Variants in CEP72 observed in about 807,000 individuals in gnomAD.
The protein encoded by CEP72 is centrosomal protein of 72 kDa.
In CEP72, 78 loss-of-function variants were observed where a neutral mutation model predicts 65.7. The ratio of observed to expected loss-of-function variants is 1.19; its 90% CI spans 0.99 to 1.43. The LOEUF is 1.43. Ranked by LOEUF, CEP72 falls within the 40% of genes most tolerant of loss-of-function variation. The probability of loss-of-function intolerance (pLI) is 0.00; values close to 1 mark genes in which losing one functional copy is unlikely to be tolerated. For synonymous variants in CEP72, 358 were observed against 351.7 expected (o/e 1.02, Z -0.20); for missense variants, 914 against 832.9 (o/e 1.10, Z -1.20).
chr5:649,421 C>G (rs1370679090), intron 11 of CEP72, among the ~76,000 whole-genome samples: 2 of 84,294 alleles, frequency 2.4e-5, no homozygotes. Flanking sequence ...GACTGTGAGG[C>G]GTGGACTGTG....
chr5:622,756 C>T (rs1275724749), intron 3 of CEP72, among the ~76,000 whole-genome samples: 1 of 149,944 alleles, frequency 6.7e-6, no homozygotes, highest in Non-Finnish European at 1.5e-5. Context: ...AACAATGGAC[C>T]CCCCCAAGAC....
chr5:644,222 C>G (rs533623132), intron 9 of CEP72, 77 bp from the exon 10 acceptor site: 74 of 1,513,520 alleles, frequency 4.9e-5, no homozygotes, highest in Non-Finnish European at 6.1e-5. Flanking sequence ...TGGGGATTCT[C>G]AGGTTTCAGT....
chr5:675,667 CCCCAGCCCTT>C, the CEP72 span, among the ~76,000 whole-genome samples: 3 of 151,926 alleles, frequency 2.0e-5, no homozygotes, highest in Non-Finnish European at 4.4e-5. Flanking sequence ...GAGGGCTGAG[CCCCAGCCCTT>C]GTTGGGCCCC....
In CEP72 at chr5:628,714, GCCCCCTTCTTT is replaced by G. The variant is rs1238975244; in HGVS notation, c.512+4136_512+4146del. On this transcript the variant is annotated intron_variant, in intron 4 of 11. Coordinates refer to ENST00000264935, the MANE Select transcript of CEP72 (RefSeq NM_018140.4). ...CCCCGGGGAGTGTTCCCAGGACCCAGCCCCCTTCTTTGTGCAGCTTCTGGAGAACTCAGGTT... is the reference window on the plus strand; with the variant it reads ...CCCCGGGGAGTGTTCCCAGGACCCAGGTGCAGCTTCTGGAGAACTCAGGTT... Among the ~76,000 whole-genome samples, 50 of 135,612 alleles carry G rather than the reference GCCCCCTTCTTT, an allele frequency of 3.7e-4. 2 individuals carry two copies. Among genetic ancestry groups the G allele is most frequent in the African/African-American group, 1.3e-3 (46 of 36,554 alleles). The allele number at this position is 135,612 out of a possible 152,430, so 89.0% of individuals were successfully genotyped here. A position where few individuals can be genotyped will look rare whatever the true frequency, so the allele number is the denominator to read the frequency against.
At chr5:649,687 C>G (rs1316518484) in intron 11 of CEP72, among the ~76,000 whole-genome samples, 5 of 60,288 alleles carry the variant, frequency 8.3e-5, no homozygotes, top group Non-Finnish European at 5.9e-5. Flanking sequence ...GACTGTGAGG[C>G]GTGGACTGTG....
chr5:668,908 A>G (rs1179605319), downstream of CEP72, among the ~76,000 whole-genome samples: 1 of 152,224 alleles, frequency 6.6e-6, no homozygotes, highest in Non-Finnish European at 1.5e-5. Flanking sequence ...GCTTGGAGCC[A>G]GGCACGGAGG....
In CEP72 at chr5:652,993, T is replaced by C; in HGVS notation, c.1784T>C (p.Leu595Pro). The change falls in exon 12 of 12, where the codon CTG (leucine) becomes CCG (proline). Residue 595 changes from leucine to proline, a missense_variant. Leu to Pro is a moderately conservative substitution (Grantham distance 98). Transcript: ENST00000264935. ...GCTTCCCTGTTGTTCTGCAGCTCCCTGGTCAGCACCAATGAACACCTGCTG... is the reference window on the plus strand; with the variant it reads ...GCTTCCCTGTTGTTCTGCAGCTCCCCGGTCAGCACCAATGAACACCTGCTG... ...TQMLQESHSSLVSTNEHLLQE... is the reference protein window; with the variant it reads ...TQMLQESHSSPVSTNEHLLQE... The C allele has an allele frequency of 6.2e-7, 1 of 1,608,140 alleles. No homozygotes were observed. The highest frequency in any genetic ancestry group is 1.3e-5 in the African/African-American group (1 of 74,854).
intron 2 of CEP72, among the ~76,000 whole-genome samples, chr5:619,571 C>A (rs947684930): frequency 1.3e-5 from 2 of 152,074 alleles, no homozygotes; most frequent in African/African-American, 4.8e-5. Context: ...CCGGACAGAA[C>A]CGTGGGATGC....
downstream of CEP72, among the ~76,000 whole-genome samples, chr5:669,827 A>G (rs1740139412): frequency 1.3e-5 from 2 of 152,148 alleles, no homozygotes; most frequent in Admixed American, 1.3e-4. Context: ...GGCAGTCCTC[A>G]GGAGTTCTAG....
chr5:628,549 TGCAGTC>T (rs1736930810), intron 4 of CEP72, among the ~76,000 whole-genome samples: 1 of 35,916 alleles, frequency 2.8e-5, no homozygotes, highest in African/African-American at 1.1e-4. Flanking sequence ...GAACTCAGGT[TGCAGTC>T]CCCGGGGAGT....
chr5:612,550 G>A (rs1735739090), intron 1 of CEP72, 107 bp downstream of exon 1: 2 of 1,249,744 alleles, frequency 1.6e-6, no homozygotes, highest in Non-Finnish European at 2.0e-6. Context: ...CGTCTACGCA[G>A]GCGCCGCGGG....
At chr5:634,015 G>A in intron 5 of CEP72, 68 bp downstream of exon 5, 1 of 1,450,090 alleles carries the variant, frequency 6.9e-7, no homozygotes, top group Non-Finnish European at 9.4e-7. Context: ...TCGTTACTGG[G>A]CTTGGAGTCC....
At chr5:650,026 GA>G (rs1738866535) in intron 11 of CEP72, among the ~76,000 whole-genome samples, 1 of 133,996 alleles carries the variant, frequency 7.5e-6, no homozygotes, top group Non-Finnish European at 1.6e-5. Context: ...GTGTGACTGT[GA>G]GGTGTGACTG....
intron 11 of CEP72, among the ~76,000 whole-genome samples, chr5:649,092 TGACTGTGAGGTGTG>T (rs1738697067): frequency 2.9e-5 from 4 of 138,354 alleles, no homozygotes; most frequent in African/African-American, 2.8e-5. Flanking sequence ...CTGTGAGGTG[TGACTGTGAGGTGTG>T]GACTGTGAGG....
intron 4 of CEP72, among the ~76,000 whole-genome samples, chr5:626,272 G>A (rs1032975309): frequency 2.0e-5 from 3 of 151,982 alleles, no homozygotes; most frequent in Admixed American, 1.3e-4. Context: ...ATGATGTTGG[G>A]AAGTCTGGTG....
chr5:650,538 G>T (rs867742032), intron 11 of CEP72, among the ~76,000 whole-genome samples: 1 of 65,320 alleles, frequency 1.5e-5, no homozygotes, highest in South Asian at 5.2e-4. Context: ...GGACTGTGAG[G>T]TGTGACTGTG....
At chr5:674,899 G>A in the CEP72 span, among the ~76,000 whole-genome samples, 5 of 150,516 alleles carry the variant, frequency 3.3e-5, no homozygotes, top group African/African-American at 5.0e-5. Flanking sequence ...CCACAAGCAA[G>A]GCCTGTACTG....
chr5:618,419 ATG>A (rs60672275), intron 1 of CEP72, among the ~76,000 whole-genome samples: 14,897 of 47,828 alleles, frequency 0.31, 1,565 homozygotes, highest in African/African-American at 0.44. Context: ...AATAGGACAC[ATG>A]TGTTAAAGTT....
intron 7 of CEP72, among the ~76,000 whole-genome samples, chr5:638,679 C>T (rs369479316): frequency 3.9e-5 from 6 of 152,088 alleles, no homozygotes; most frequent in African/African-American, 9.7e-5. Context: ...TGTTTGACTC[C>T]GGGCCATTGC....
Sources: allele counts gnomAD v4.1 joint callset (sites outside exome capture counted in the v4.1 genomes callset), GRCh38; gene constraint gnomAD v4.1.1; transcripts MANE v1.5; gene names NCBI Gene and HGNC (gene_info 2026-07-23, HGNC 2026-07-21).